The following STK10 variants were observed in gnomAD, a reference collection of about 807,000 sequenced individuals.
STK10 encodes the protein serine/threonine kinase 10.
STK10 carries 78 observed loss-of-function variants against 113.8 expected under a neutral mutation model. That is an observed-to-expected ratio of 0.69 (90% CI 0.57 to 0.83). The LOEUF is 0.83. Among genes scored for constraint, STK10 ranks in the 40% least tolerant of loss-of-function variants. The probability of loss-of-function intolerance (pLI) is 0.00; values close to 1 mark genes in which losing one functional copy is unlikely to be tolerated. For synonymous variants in STK10, 465 were observed against 494.7 expected, an observed-to-expected ratio of 0.94 and a Z score of 0.80; for missense variants, 1,109 against 1,280.1, an observed-to-expected ratio of 0.87 and a Z score of 2.04.
intron 1 of STK10, among the ~76,000 whole-genome samples, chr5:172,158,499 C>T (rs912804563): frequency 9.9e-5 from 15 of 151,910 alleles, no homozygotes; most frequent in African/African-American, 2.9e-4. Context: ...TGGTGGTGGG[C>T]GCCTGTAATC....
At chr5:172,178,467 T>C (rs2130728) in intron 1 of STK10, among the ~76,000 whole-genome samples, 73,325 of 152,016 alleles carry the variant, frequency 0.48, 20,002 homozygotes, top group African/African-American at 0.76. Context: ...GCAGCACCTT[T>C]CGGTCTCCTC....
intron 1 of STK10, among the ~76,000 whole-genome samples, chr5:172,171,349 G>T (rs1770661696): frequency 6.6e-6 from 1 of 152,138 alleles, no homozygotes. Context: ...ACATAATGAA[G>T]ATGTAACCGC....
rs748967217 is a variant in STK10, at chr5:172,093,910, G to A, written c.1056C>T (p.Leu352=). Residue 352 remains leucine, a synonymous_variant, in exon 9 of 19, where the codon CTC becomes CTT. Coordinates refer to ENST00000176763, the MANE Select transcript of STK10 (RefSeq NM_005990.4). This position sits in a 1 kb window ranked among gnomAD's most constrained non-coding sequence, Gnocchi z 4.1. ...ACTCCTCGAGAGGCTTGTCAGCATT[G>A]AGGCTTGGCGGACTCACCTCAGAGG... ...QNSSEVSPPS[L]NADKPLEESP... 24 of 1,533,280 alleles carry A rather than the reference G, an allele frequency of 1.6e-5. No individual in the cohort carries two copies. The highest frequency in any genetic ancestry group is 1.8e-5 in the Non-Finnish European group (21 of 1,138,538). The allele number at this position is 1,533,280 out of a possible 1,614,324, so 95.0% of individuals were successfully genotyped here.
rs41275265 is a variant in STK10 at position 172,096,275 on chromosome 5, G to A, written c.1005+151C>T. On this transcript the variant is annotated intron_variant, in intron 8 of 18. Transcript: ENST00000176763. ...CACCCCGGCCCACATGCCATCTTACGTTACCTGCAGCGTGGGAGTCTGCAA... is the reference window on the plus strand; with the variant it reads ...CACCCCGGCCCACATGCCATCTTACATTACCTGCAGCGTGGGAGTCTGCAA... 2,151 of 1,287,498 alleles carry A rather than the reference G, an allele frequency of 1.7e-3. 5 individuals carry two copies. The highest frequency in any genetic ancestry group is 2.0e-3 in the Non-Finnish European group (1,876 of 949,352). 79.8% of individuals were successfully genotyped at this position (1,287,498 alleles called of 1,614,324 possible).
chr5:172,087,931 AATTT>A (rs1342141183), intron 10 of STK10, among the ~76,000 whole-genome samples: 2 of 149,298 alleles, frequency 1.3e-5, no homozygotes, highest in Non-Finnish European at 3.0e-5. Flanking sequence ...CCCGGCCTTA[AATTT>A]ATTTTTGAGA....
chr5:172,137,434 A>T (rs1298357600), intron 2 of STK10, among the ~76,000 whole-genome samples: 3 of 152,204 alleles, frequency 2.0e-5, no homozygotes, highest in Non-Finnish European at 2.9e-5. Flanking sequence ...ATACCACATT[A>T]ACACGATGAA....
chr5:172,103,062 G>A (rs940450966), intron 7 of STK10, among the ~76,000 whole-genome samples: 6 of 152,340 alleles, frequency 3.9e-5, no homozygotes, highest in South Asian at 2.1e-4. Context: ...CGCCCAGGGC[G>A]GGACACAGGG....
rs73801818 is a variant in STK10, at chr5:172,064,945, C to T, written c.1990-133G>A. 5,049 of 898,886 alleles carry T rather than the reference C, an allele frequency of 5.6e-3. 183 individuals carry two copies. The African/African-American group carries it at 0.074, about 13-fold the overall frequency. 55.7% of individuals were successfully genotyped at this position (898,886 alleles called of 1,614,324 possible). A position where few individuals can be genotyped will look rare whatever the true frequency, so the allele number is the denominator to read the frequency against. ...CAGCTTTGCAGCGGCCAGCACCCTA[C>T]GCGGCTCCCCACCAAGCCCCTCTGA... On this transcript the variant is annotated intron_variant, in intron 12 of 18. Transcript: ENST00000176763.
intron 1 of STK10, among the ~76,000 whole-genome samples, chr5:172,179,045 G>A (rs1770807596): frequency 6.6e-6 from 1 of 152,210 alleles, no homozygotes; most frequent in Non-Finnish European, 1.5e-5. Context: ...TGAGGGCTAT[G>A]CTATCAACAC....
chr5:172,180,018 A>C (rs1770823572), intron 1 of STK10, among the ~76,000 whole-genome samples: 1 of 152,238 alleles, frequency 6.6e-6, no homozygotes, highest in Non-Finnish European at 1.5e-5. Flanking sequence ...GCAGCTGCCA[A>C]GGCCCCCTGT....
At chr5:172,081,713 C>A (rs755153863) in intron 12 of STK10, among the ~76,000 whole-genome samples, 1 of 152,206 alleles carries the variant, frequency 6.6e-6, no homozygotes, top group Non-Finnish European at 1.5e-5. Context: ...TCCACTGCTA[C>A]CAGTTGGGAG....
At chr5:172,143,992 C>T (rs1770029946) in intron 2 of STK10, among the ~76,000 whole-genome samples, 1 of 152,272 alleles carries the variant, frequency 6.6e-6, no homozygotes, top group African/African-American at 2.4e-5. Flanking sequence ...GTCCCTCCCT[C>T]TACTGCCAAC....
At chr5:172,056,889 A>G (rs1020583221) in intron 15 of STK10, 1 of 150,800 alleles carries the variant, frequency 6.6e-6, no homozygotes, top group Non-Finnish European at 1.4e-5. Context: ...AGAAAGAAAG[A>G]AAAGAAAGAA....
intron 1 of STK10, among the ~76,000 whole-genome samples, chr5:172,167,723 T>C (rs896799817): frequency 2.6e-5 from 4 of 152,188 alleles, no homozygotes; most frequent in Non-Finnish European, 5.9e-5. Flanking sequence ...AAAATTTAGT[T>C]CCTCAGTTGC....
rs548453300 is a variant in STK10 at position 172,108,592 on chromosome 5, G to A, written c.521-740C>T. 3.6e-4 allele frequency among the ~76,000 whole-genome samples: 53 copies of A among 146,224 alleles called. No individual in the cohort carries two copies. In the South Asian group the frequency reaches 0.01, roughly 29 times the overall value. ...AATCGCACCACTGCGCTCCAGCCCA[G>A]GCAATAGAGTGAGACTGTCTCAAAA... On this transcript the variant is annotated intron_variant, in intron 4 of 18. Coordinates refer to ENST00000176763, the MANE Select transcript of STK10 (RefSeq NM_005990.4).
intron 2 of STK10, among the ~76,000 whole-genome samples, chr5:172,147,039 C>A (rs368442711): frequency 6.6e-6 from 1 of 152,204 alleles, no homozygotes; most frequent in African/African-American, 2.4e-5. Context: ...GGGGTTCCCA[C>A]GAACCCTGCT....
intron 2 of STK10, among the ~76,000 whole-genome samples, chr5:172,153,997 C>T (rs907940657): frequency 5.3e-5 from 8 of 152,230 alleles, no homozygotes; most frequent in African/African-American, 1.7e-4. Context: ...TCTCAAACTG[C>T]CTCCACGTTT....
chr5:172,045,969 C>T (rs1227629298), intron 18 of STK10, among the ~76,000 whole-genome samples: 2 of 151,574 alleles, frequency 1.3e-5, no homozygotes, highest in South Asian at 4.2e-4. Context: ...GGATTACAGG[C>T]GTGAGCCACC....
At chr5:172,186,138 G>A (rs1376790721) in intron 1 of STK10, among the ~76,000 whole-genome samples, 1 of 152,150 alleles carries the variant, frequency 6.6e-6, no homozygotes, top group African/African-American at 2.4e-5. Context: ...GCCAGGCATG[G>A]TGGTGTGTGC....
Sources: allele counts gnomAD v4.1 joint callset (sites outside exome capture counted in the v4.1 genomes callset), GRCh38; gene constraint gnomAD v4.1.1; non-coding constraint Gnocchi (gnomAD v3.1); transcripts MANE v1.5; gene names NCBI Gene and HGNC (gene_info 2026-07-23, HGNC 2026-07-21).